SCLT1: variants seen among roughly 807,000 people sequenced by gnomAD.
SCLT1 encodes sodium channel and clathrin linker 1.
SCLT1 carries 78 observed loss-of-function variants against 112.8 expected under a neutral mutation model. That is an observed-to-expected ratio of 0.69 (90% CI 0.58 to 0.83). The LOEUF is 0.83. Ranked by LOEUF, SCLT1 falls within the 40% of genes least tolerant of loss-of-function variation. The pLI is 0.00. For missense variants in SCLT1, 747 were observed against 770.4 expected (o/e 0.97, Z 0.36); for synonymous variants, 257 against 254.7 (o/e 1.01, Z -0.09).
At chr4:128,954,626 G>A (rs1243381603) in intron 13 of SCLT1, among the ~76,000 whole-genome samples, 3 of 152,042 alleles carry the variant, frequency 2.0e-5, no homozygotes, top group Admixed American at 2.0e-4. Flanking sequence ...TCTTTTAAAG[G>A]TTATAATTTG....
intron 9 of SCLT1, among the ~76,000 whole-genome samples, chr4:128,979,310 TA>T (rs1440581367): frequency 6.6e-6 from 1 of 152,164 alleles, no homozygotes; most frequent in Non-Finnish European, 1.5e-5. Flanking sequence ...ACTCTCAATG[TA>T]ATGATATTAC....
intron 1 of SCLT1, among the ~76,000 whole-genome samples, chr4:129,083,008 A>G (rs537836463): frequency 3.9e-5 from 6 of 152,118 alleles, no homozygotes; most frequent in Admixed American, 2.0e-4. Context: ...CCTGGCCAAC[A>G]TGGTGAAACC....
In SCLT1 at chr4:128,936,847, C is replaced by T. The variant is rs751079883; in HGVS notation, c.1637G>A (p.Ser546Asn). 1 of 1,515,332 alleles carries T rather than the reference C, an allele frequency of 6.6e-7. No homozygotes were observed. Among genetic ancestry groups the T allele is most frequent in the East Asian group, 2.3e-5 (1 of 43,956 alleles). The allele number at this position is 1,515,332 out of a possible 1,614,324, so 93.9% of individuals were successfully genotyped here. ...TATTGAAAATTCATGTTCCATTGTA[C>T]TGATCTAAAGAATAAAATGAAAACG... ...EAQKKAKVKISTMEHEFSIKE... is the reference protein window; with the variant it reads ...EAQKKAKVKINTMEHEFSIKE... The change falls in exon 18 of 21, where the codon AGT becomes AAT. Residue 546 changes from serine to asparagine, a missense_variant. Ser to Asn is a conservative substitution (Grantham distance 46). Coordinates refer to ENST00000281142, the MANE Select transcript of SCLT1 (RefSeq NM_144643.4).
chr4:129,040,001 A>C, intron 4 of SCLT1: 1 of 567,384 alleles, frequency 1.8e-6, no homozygotes, highest in Non-Finnish European at 3.2e-6. Context: ...ATGATTGTGT[A>C]TTAGTCTTGA....
At chr4:128,885,138 T>A (rs1436918565) in intron 20 of SCLT1, among the ~76,000 whole-genome samples, 2 of 152,294 alleles carry the variant, frequency 1.3e-5, no homozygotes, top group East Asian at 3.9e-4. Context: ...CAAACTAATG[T>A]AAGCCAACAC....
chr4:128,994,001 A>G (rs1188338753), intron 8 of SCLT1, among the ~76,000 whole-genome samples: 1 of 152,134 alleles, frequency 6.6e-6, no homozygotes, highest in Non-Finnish European at 1.5e-5. Context: ...ATTGGTAAAG[A>G]AAGATATTTA....
chr4:128,944,614 A>C (rs192308669), intron 16 of SCLT1: 2 of 152,316 alleles, frequency 1.3e-5, no homozygotes, highest in East Asian at 3.9e-4. Flanking sequence ...ACAGCACTCC[A>C]AACATTCCTG....
At chr4:128,943,284 G>T (rs1737867658) in intron 16 of SCLT1, 96 bp from the exon 17 acceptor site, 2 of 854,876 alleles carry the variant, frequency 2.3e-6, no homozygotes, top group South Asian at 2.0e-5. Context: ...ACTTTTGTTT[G>T]CTTTATTCTG....
intron 11 of SCLT1, among the ~76,000 whole-genome samples, chr4:128,960,459 T>C (rs1739588893): frequency 6.6e-6 from 1 of 152,210 alleles, no homozygotes; most frequent in Admixed American, 6.5e-5. Flanking sequence ...TTTCCTAGTC[T>C]AATGAATGTA....
At chr4:128,929,979 G>C (rs892916622) in intron 18 of SCLT1, among the ~76,000 whole-genome samples, 1 of 152,126 alleles carries the variant, frequency 6.6e-6, no homozygotes, top group African/African-American at 2.4e-5. Flanking sequence ...ATATAAGCAA[G>C]TATGTACACA....
At chr4:129,056,391 G>A (rs1749394922) in intron 2 of SCLT1, among the ~76,000 whole-genome samples, 1 of 152,116 alleles carries the variant, frequency 6.6e-6, no homozygotes, top group Non-Finnish European at 1.5e-5. Context: ...GCAGTACCAT[G>A]CTGTTTTGGT....
At position 128,983,167 on chromosome 4, in the gene SCLT1, C is replaced by T. The variant is rs150906274; in HGVS notation, c.686+9000G>A. On this transcript the variant is annotated intron_variant, in intron 9 of 20. Transcript: ENST00000281142. The stretch of plus-strand genomic sequence containing the variant: ...CCTCCCAAAGTGCTAGGATTACAGG[C>T]GTGAGCCACTGCGCCCGGCCACTAC... Among the ~76,000 whole-genome samples, 251 of 152,322 alleles carry T rather than the reference C, an allele frequency of 1.6e-3. 2 individuals are homozygous for T. The highest frequency in any genetic ancestry group is 0.014 in the East Asian group (71 of 5,184).
chr4:128,963,963 CA>C (rs1383792293), intron 11 of SCLT1, among the ~76,000 whole-genome samples: 1 of 152,060 alleles, frequency 6.6e-6, no homozygotes, highest in African/African-American at 2.4e-5. Flanking sequence ...GTCATCTTTT[CA>C]AGATGACTTT....
At position 128,932,680 on chromosome 4, in the gene SCLT1, T is replaced by C. The variant is rs533170215; in HGVS notation, c.1829+3975A>G. Among the ~76,000 whole-genome samples the C allele has an allele frequency of 2.2e-4, 33 of 152,258 alleles. No homozygotes were observed. The East Asian group carries it at 5.8e-3, about 27-fold the overall frequency. On this transcript the variant is annotated intron_variant, in intron 18 of 20. Transcript: ENST00000281142. ...AGGAAGATGTTAAATTGTCCCTGTTTGCAAATGAAATGATCTAATATATAT... is the reference window on the plus strand; with the variant it reads ...AGGAAGATGTTAAATTGTCCCTGTTCGCAAATGAAATGATCTAATATATAT...
intron 6 of SCLT1, among the ~76,000 whole-genome samples, chr4:129,002,186 T>C (rs1743554102): frequency 6.6e-6 from 1 of 152,040 alleles, no homozygotes; most frequent in Non-Finnish European, 1.5e-5. Flanking sequence ...CCCCCATTTA[T>C]AAATGAGGAA....
intron 6 of SCLT1, among the ~76,000 whole-genome samples, chr4:129,001,028 A>G (rs1486078380): frequency 6.6e-6 from 1 of 152,022 alleles, no homozygotes; most frequent in Non-Finnish European, 1.5e-5. Context: ...CAGAATATGG[A>G]GCCAGAAGAT....
chr4:129,091,282 T>G (rs1034121482), intron 1 of SCLT1, among the ~76,000 whole-genome samples: 1 of 152,016 alleles, frequency 6.6e-6, no homozygotes, highest in Non-Finnish European at 1.5e-5. Flanking sequence ...TCAGTTATTT[T>G]AAGCCTTTGA....
Position 129,077,060 on chromosome 4 carries a change from G to A in SCLT1, c.102+5246C>T, listed in dbSNP as rs191898947. ...TTCAGCCTATGTCCACAAAATTTAC[G>A]TAAAGTATAGTTAGCTACCATAAAG... On this transcript the variant is annotated intron_variant, in intron 2 of 20. Transcript: ENST00000281142. Among the ~76,000 whole-genome samples the A allele has an allele frequency of 2.5e-3, 378 of 150,758 alleles. 2 individuals are homozygous for A. The highest frequency in any genetic ancestry group is 8.1e-3 in the African/African-American group (329 of 40,384).
In SCLT1 at chr4:129,012,193, C is replaced by T. The variant is rs755383711; in HGVS notation, c.291-8317G>A. 2.6e-4 allele frequency among the ~76,000 whole-genome samples: 40 copies of T among 152,206 alleles called. 1 individual carries two copies. The highest frequency in any genetic ancestry group is 2.6e-4 in the Non-Finnish European group (18 of 68,038). On this transcript the variant is annotated intron_variant, in intron 5 of 20. Transcript: ENST00000281142. ...TAGTGCTATAAATTCCCTCTTAACA[C>T]TGCCTTAGCTGTGTCCCAGAGATTC... is the stretch of plus-strand genomic sequence containing the variant.
Sources: allele counts gnomAD v4.1 joint callset (sites outside exome capture counted in the v4.1 genomes callset), GRCh38; gene constraint gnomAD v4.1.1; transcripts MANE v1.5; gene names NCBI Gene and HGNC (gene_info 2026-07-23, HGNC 2026-07-21).